TBC1D5: variants seen among roughly 807,000 people sequenced by gnomAD.
TBC1D5 encodes TBC1 domain family, member 5.
A neutral mutation model predicts 100.3 loss-of-function variants in TBC1D5; 75 were observed. The ratio of observed to expected loss-of-function variants is 0.75; its 90% confidence interval spans 0.62 to 0.91. The LOEUF is 0.91. TBC1D5 is among the 40% of genes least tolerant of loss of function. TBC1D5 has a pLI of 0.00. For missense variants in TBC1D5, 910 were observed against 942.4 expected (o/e 0.97, Z 0.45); for synonymous variants, 323 against 325.6 (o/e 0.99, Z 0.09).
intron 2 of TBC1D5, among the ~76,000 whole-genome samples, chr3:17,623,364 A>T (rs550616921): frequency 6.6e-6 from 1 of 152,284 alleles, no homozygotes; most frequent in South Asian, 2.1e-4. Flanking sequence ...TCCAATGGCT[A>T]TGTCTTTCAA....
At chr3:17,661,074 T>C (rs118050065) in intron 1 of TBC1D5, among the ~76,000 whole-genome samples, 2,518 of 152,330 alleles carry the variant, frequency 0.017, 52 homozygotes, top group South Asian at 0.047. Context: ...AAAATATTTA[T>C]AATACATTTC....
intron 2 of TBC1D5, among the ~76,000 whole-genome samples, chr3:17,527,867 C>T (rs893791337): frequency 9.2e-5 from 14 of 152,080 alleles, no homozygotes; most frequent in Non-Finnish European, 1.9e-4. Flanking sequence ...CAAAATGAGA[C>T]AATCATATAA....
Position 17,521,927 on chromosome 3 carries a change from AATG to A in TBC1D5, c.-35-13325_-35-13323del, listed in dbSNP as rs1438442722. 5.3e-5 allele frequency among the ~76,000 whole-genome samples: 8 copies of A among 152,254 alleles called. No individual in the cohort carries two copies. In the East Asian group the frequency reaches 1.3e-3, roughly 26 times the overall value. ...AATTTAATTGATTAGTAGCTTCAAA[AATG>A]ATGAGCTTACTTGCTGATGGAGTAG... On this transcript the variant is annotated intron_variant, in intron 2 of 21. Transcript: ENST00000253692.
intron 2 of TBC1D5, among the ~76,000 whole-genome samples, chr3:17,604,659 C>T (rs2061218175): frequency 6.6e-6 from 1 of 152,116 alleles, no homozygotes. Context: ...CTTTACTCAC[C>T]ATCAATTTGC....
At chr3:17,187,697 G>GAGCGGA (rs2069313429) in intron 18 of TBC1D5, among the ~76,000 whole-genome samples, 1 of 152,190 alleles carries the variant, frequency 6.6e-6, no homozygotes, top group Non-Finnish European at 1.5e-5. Context: ...GGTCCTGCCT[G>GAGCGGA]GTCCTCCCCA....
chr3:17,495,575 A>G (rs968819409), intron 3 of TBC1D5, among the ~76,000 whole-genome samples: 2 of 152,230 alleles, frequency 1.3e-5, no homozygotes, highest in Non-Finnish European at 2.9e-5. Flanking sequence ...CATATAAAGA[A>G]ATAGAAATAT....
intron 1 of TBC1D5, among the ~76,000 whole-genome samples, chr3:17,692,587 G>A (rs750213437): frequency 7.9e-5 from 12 of 152,148 alleles, no homozygotes; most frequent in Non-Finnish European, 1.2e-4. Context: ...ACAGGAGACC[G>A]TTTTTTAAAT....
chr3:17,393,608 A>T (rs1351636814), intron 8 of TBC1D5, among the ~76,000 whole-genome samples: 1 of 152,174 alleles, frequency 6.6e-6, no homozygotes, highest in East Asian at 1.9e-4. Context: ...ACAGCATGGT[A>T]CTGGTACCAA....
chr3:17,458,639 TA>T (rs1483258249), intron 3 of TBC1D5, among the ~76,000 whole-genome samples: 3 of 152,136 alleles, frequency 2.0e-5, no homozygotes, highest in African/African-American at 7.2e-5. Context: ...TCCCTGCAGG[TA>T]TTTGTCTCTA....
chr3:17,347,139 G>T (rs979034541), intron 13 of TBC1D5, among the ~76,000 whole-genome samples: 1 of 152,024 alleles, frequency 6.6e-6, no homozygotes, highest in African/African-American at 2.4e-5. Flanking sequence ...GTGGTACTTG[G>T]CCCAGGAGTC....
chr3:17,550,074 C>T (rs2096459313), intron 2 of TBC1D5, among the ~76,000 whole-genome samples: 1 of 152,002 alleles, frequency 6.6e-6, no homozygotes, highest in Non-Finnish European at 1.5e-5. Context: ...TTTTCATAGG[C>T]TTCCTGTAAA....
chr3:17,283,279 G>A (rs2080807078), intron 15 of TBC1D5, among the ~76,000 whole-genome samples: 1 of 152,184 alleles, frequency 6.6e-6, no homozygotes. Context: ...GAAGTGACTT[G>A]TCCAATAAAC....
intron 15 of TBC1D5, among the ~76,000 whole-genome samples, chr3:17,283,512 A>T (rs2080827920): frequency 6.6e-6 from 1 of 152,232 alleles, no homozygotes; most frequent in Non-Finnish European, 1.5e-5. Flanking sequence ...AAAAGATCAA[A>T]GTAAAAGAAT....
chr3:17,384,237 A>C (rs1430150735), intron 8 of TBC1D5, among the ~76,000 whole-genome samples: 1 of 152,096 alleles, frequency 6.6e-6, no homozygotes. Context: ...TCACATTTCA[A>C]ATTTTTTCAC....
chr3:17,591,250 A>AAAAAAAC (rs2096767930), intron 2 of TBC1D5, among the ~76,000 whole-genome samples: 2 of 137,052 alleles, frequency 1.5e-5, no homozygotes, highest in African/African-American at 2.8e-5. Context: ...AAAAAAAAAA[A>AAAAAAAC]AAAAAAAAAA....
intron 3 of TBC1D5, among the ~76,000 whole-genome samples, chr3:17,429,010 G>C (rs1242633255): frequency 2.6e-5 from 4 of 151,874 alleles, no homozygotes; most frequent in Non-Finnish European, 4.4e-5. Flanking sequence ...ATTAATTAAT[G>C]AGATTTTAAT....
At chr3:17,660,587 C>T (rs1338126585) in intron 1 of TBC1D5, among the ~76,000 whole-genome samples, 1 of 152,126 alleles carries the variant, frequency 6.6e-6, no homozygotes, top group Non-Finnish European at 1.5e-5. Flanking sequence ...TCTTGTTTCC[C>T]TACTGGAACT....
intron 19 of TBC1D5, among the ~76,000 whole-genome samples, chr3:17,177,421 C>T (rs971035535): frequency 2.0e-5 from 3 of 152,216 alleles, no homozygotes; most frequent in African/African-American, 7.2e-5. Context: ...TGAAAAAGAA[C>T]TTCTGAATTT....
chr3:17,494,751 G>A (rs918574585), intron 3 of TBC1D5, among the ~76,000 whole-genome samples: 1 of 152,098 alleles, frequency 6.6e-6, no homozygotes, highest in African/African-American at 2.4e-5. Context: ...GGGGAAAACC[G>A]CTGACTGGAG....
Sources: gnomAD v4.1 joint callset for allele counts (sites outside exome capture counted in the v4.1 genomes callset) on GRCh38, gnomAD v4.1.1 for gene constraint, MANE v1.5 for transcripts, NCBI Gene and HGNC (gene_info 2026-07-23, HGNC 2026-07-21) for gene names.